CNDP1: variants seen among roughly 807,000 people sequenced by gnomAD.
CNDP1 encodes the protein carnosine dipeptidase 1, also known as beta-Ala-His dipeptidase.
In CNDP1, 44 loss-of-function variants were observed where a neutral mutation model predicts 58.1. That is an observed-to-expected ratio of 0.76 (90% CI 0.60 to 0.97). The LOEUF is 0.97. CNDP1 is among the 50% of genes least tolerant of loss of function. CNDP1 has a pLI of 0.00. For missense variants in CNDP1, 616 were observed against 655.1 expected (o/e 0.94, Z 0.65); for synonymous variants, 254 against 252.6 (o/e 1.01, Z -0.05).
chr18:74,582,819 T>C (rs1421194239), intron 10 of CNDP1, among the ~76,000 whole-genome samples: 6 of 152,206 alleles, frequency 3.9e-5, no homozygotes. Flanking sequence ...GTCTGGAGTG[T>C]AGTTAACAAC....
intron 7 of CNDP1, among the ~76,000 whole-genome samples, chr18:74,573,087 A>G (rs1981527847): frequency 6.6e-6 from 1 of 152,090 alleles, no homozygotes; most frequent in South Asian, 2.1e-4. Context: ...CCATCTATCC[A>G]TCTATTATCT....
chr18:74,552,549 A>G (rs1420562953), intron 1 of CNDP1, among the ~76,000 whole-genome samples: 1 of 152,212 alleles, frequency 6.6e-6, no homozygotes, highest in African/African-American at 2.4e-5. Flanking sequence ...CACTTAGCAC[A>G]ATGTGTTCAA....
In CNDP1 at chr18:74,571,218, A is replaced by G; in HGVS notation, c.789A>G (p.Gly263=). The change falls in exon 7 of 12, where the codon GGA becomes GGG. Residue 263 remains glycine, a synonymous_variant. Coordinates refer to ENST00000358821, the MANE Select transcript of CNDP1 (RefSeq NM_032649.6). The part of the protein sequence containing the change: ...VKCRDQDFHS[G]TFGGILHEPM... ...GCAGAGACCAGGATTTTCACTCAGG[A>G]ACCTTTGGTGGCATCCTTCATGAAC... The G allele has an allele frequency of 6.2e-7, 1 of 1,613,526 alleles. No homozygotes were observed. Among genetic ancestry groups the G allele is most frequent in the South Asian group, 1.1e-5 (1 of 91,056 alleles).
At chr18:74,563,136 CAGA>C (rs1981244865) in intron 5 of CNDP1, among the ~76,000 whole-genome samples, 1 of 152,180 alleles carries the variant, frequency 6.6e-6, no homozygotes, top group Admixed American at 6.5e-5. Flanking sequence ...GCTTCCCTCT[CAGA>C]AGTTTATTTT....
chr18:74,571,226 G>C lies in CNDP1; in HGVS notation c.797G>C (p.Gly266Ala). Residue 266 changes from glycine (G) to alanine (A), a missense_variant, in exon 7 of 12, where the codon GGT (glycine) becomes GCT (alanine). Physicochemically the swap from Gly to Ala is moderately conservative, Grantham distance 60. Transcript: ENST00000358821. ...CAGGATTTTCACTCAGGAACCTTTG[G>C]TGGCATCCTTCATGAACCAATGGCT... Reference protein sequence around the residue: ...RDQDFHSGTFGGILHEPMADL... With the variant: ...RDQDFHSGTFAGILHEPMADL... 6.2e-7 allele frequency: 1 copy of C among 1,613,594 alleles called. No homozygotes were observed. The highest frequency in any genetic ancestry group is 8.5e-7 in the Non-Finnish European group (1 of 1,179,658).
intron 1 of CNDP1, among the ~76,000 whole-genome samples, chr18:74,553,248 G>T (rs1980954854): frequency 6.6e-6 from 1 of 152,022 alleles, no homozygotes; most frequent in African/African-American, 2.4e-5. Context: ...TTTCTTGATG[G>T]TGTTCTTTGG....
chr18:74,559,230 C>G, intron 2 of CNDP1, 93 bp from the exon 3 acceptor site: 1 of 1,270,200 alleles, frequency 7.9e-7, no homozygotes, highest in Non-Finnish European at 1.1e-6. Flanking sequence ...AGAAAAGTAC[C>G]TGGGGACTCG....
intron 7 of CNDP1, 73 bp downstream of exon 7, chr18:74,571,343 G>C: frequency 9.6e-7 from 1 of 1,047,000 alleles, no homozygotes; most frequent in Non-Finnish European, 1.5e-6. Context: ...GATTTTATGT[G>C]CCTCTCCTTG....
chr18:74,583,553 T>C lies in CNDP1; in HGVS notation c.1310-8T>C. On this transcript the variant is annotated splice_polypyrimidine_tract_variant and splice_region_variant and intron_variant, in intron 10 of 11. Transcript: ENST00000358821. ...ACCCTATTCAAATGCCTTCTTTTCCTGTCTCAGTGTTTGGAACAGAACCAG... is the reference window on the plus strand; with the variant it reads ...ACCCTATTCAAATGCCTTCTTTTCCCGTCTCAGTGTTTGGAACAGAACCAG... 3 of 1,613,514 alleles carry C rather than the reference T, an allele frequency of 1.9e-6. No homozygotes were observed. The South Asian group carries it at 3.3e-5, about 18-fold the overall frequency.
At position 74,567,371 on chromosome 18, in the gene CNDP1, A is replaced by T. The variant is rs749437461; in HGVS notation, c.694A>T (p.Ile232Phe). The change falls in exon 6 of 12, where the codon ATC becomes TTC. Residue 232 changes from isoleucine to phenylalanine, a missense_variant. Transcript: ENST00000358821. ...CATTGTAATTTCAGATAACCTGTGG[A>T]TCAGCCAAAGGAAGCCAGCAATCAC... ...DYIVISDNLW[I>F]SQRKPAITYG... The T allele has an allele frequency of 6.2e-7, 1 of 1,614,160 alleles. No homozygotes were observed. Among genetic ancestry groups the T allele is most frequent in the Admixed American group, 1.7e-5 (1 of 60,028 alleles).
intron 1 of CNDP1, among the ~76,000 whole-genome samples, chr18:74,544,385 C>T (rs977392400): frequency 1.3e-5 from 2 of 152,112 alleles, no homozygotes; most frequent in Non-Finnish European, 2.9e-5. Context: ...GAGAGCCAGA[C>T]AGATAATTAA....
chr18:74,557,609 A>G (rs1374525337), intron 2 of CNDP1, among the ~76,000 whole-genome samples: 2 of 151,024 alleles, frequency 1.3e-5, no homozygotes, highest in African/African-American at 4.9e-5. Context: ...ACACCCCCAT[A>G]TATGTATCCC....
intron 5 of CNDP1, 60 bp downstream of exon 5, chr18:74,562,195 G>A: frequency 6.7e-7 from 1 of 1,500,960 alleles, no homozygotes; most frequent in Admixed American, 1.7e-5. Context: ...AACTTTCTTT[G>A]AGTTGTTTGC....
At chr18:74,562,283 T>C (rs1981222476) in intron 5 of CNDP1, 148 bp downstream of exon 5, 1 of 701,780 alleles carries the variant, frequency 1.4e-6, no homozygotes, top group Non-Finnish European at 2.5e-6. Flanking sequence ...TGGTATCCAT[T>C]TTGCAGATAA....
intron 1 of CNDP1, among the ~76,000 whole-genome samples, chr18:74,542,383 C>A (rs764625703): frequency 6.6e-6 from 1 of 152,140 alleles, no homozygotes; most frequent in African/African-American, 2.4e-5. Flanking sequence ...TTTATCTTCA[C>A]CCGAATCTTG....
intron 5 of CNDP1, among the ~76,000 whole-genome samples, chr18:74,565,504 G>T (rs1356249330): frequency 6.6e-6 from 1 of 152,218 alleles, no homozygotes; most frequent in East Asian, 1.9e-4. Flanking sequence ...GGTAAATATA[G>T]CTGTTCCAAA....
chr18:74,570,880 C>T (rs1981462146), intron 6 of CNDP1, among the ~76,000 whole-genome samples: 1 of 152,182 alleles, frequency 6.6e-6, no homozygotes, highest in Admixed American at 6.5e-5. Flanking sequence ...AAAAGGAAGA[C>T]AGCTGTGTAA....
In CNDP1 at chr18:74,545,720, G is replaced by A. The variant is rs2144642754; in HGVS notation, c.25-10618G>A. On this transcript the variant is annotated intron_variant, in intron 1 of 11. Transcript: ENST00000358821. The surrounding 1 kb of genome is among the most constrained non-coding windows in gnomAD (Gnocchi z 4.1). ...ATTTCACGTGCTGCCCCCTGAGATT[G>A]TACAGTCTCCCCTGCAGGTATTCTG... 6.6e-6 allele frequency among the ~76,000 whole-genome samples: 1 copy of A among 152,200 alleles called. No homozygotes were observed. Among genetic ancestry groups the A allele is most frequent in the East Asian group, 1.9e-4 (1 of 5,172 alleles).
intron 1 of CNDP1, among the ~76,000 whole-genome samples, chr18:74,554,308 T>G (rs988675112): frequency 1.3e-5 from 2 of 152,214 alleles, no homozygotes; most frequent in African/African-American, 2.4e-5. Flanking sequence ...AGTGCTGATC[T>G]GACAGAAGGT....
Sources: gnomAD v4.1 joint callset for allele counts (sites outside exome capture counted in the v4.1 genomes callset) on GRCh38, gnomAD v4.1.1 for gene constraint, Gnocchi (gnomAD v3.1) non-coding constraint, MANE v1.5 for transcripts, NCBI Gene and HGNC (gene_info 2026-07-23, HGNC 2026-07-21) for gene names.